The following USP53 variants were observed in gnomAD, a reference collection of about 807,000 sequenced individuals.
USP53 encodes the protein ubiquitin carboxyl-terminal hydrolase 53.
USP53 carries 71 observed loss-of-function variants against 94.9 expected under a neutral mutation model. That is an observed-to-expected ratio of 0.75 (90% CI 0.62 to 0.91). The LOEUF (loss-of-function observed/expected upper bound fraction) is 0.91. Among genes scored for constraint, USP53 ranks in the 40% least tolerant of loss-of-function variants. The pLI, the probability that USP53 is intolerant of heterozygous loss-of-function variation, is 0.00. For synonymous variants in USP53, 375 were observed against 422.7 expected, an observed-to-expected ratio of 0.89 and a Z score of 1.39; for missense variants, 1,173 against 1,281.0, an observed-to-expected ratio of 0.92 and a Z score of 1.29.
In USP53 at chr4:119,294,150, A is replaced by G. The variant is rs1356246307; in HGVS notation, c.*939A>G. 2 of 152,076 alleles carry G rather than the reference A, an allele frequency of 1.3e-5. No homozygotes were observed. Among genetic ancestry groups the G allele is most frequent in the Admixed American group, 6.6e-5 (1 of 15,260 alleles). 9.4% of individuals were successfully genotyped at this position (152,076 alleles called of 1,614,324 possible). On this transcript the variant is annotated 3_prime_UTR_variant, in exon 19 of 19. Coordinates refer to ENST00000692078, the MANE Select transcript of USP53 (RefSeq NM_001371395.1). The stretch of plus-strand genomic sequence containing the variant: ...TGGGCTGCTAACCACCAGTGTTAGG[A>G]ATTAATGTAGGGCACCCTCTTATTG...
At position 119,239,627 on chromosome 4, in the gene USP53, A is replaced by G; in HGVS notation, c.-133A>G. The G allele has an allele frequency of 9.5e-7, 1 of 1,048,750 alleles. No homozygotes were observed. The highest frequency in any genetic ancestry group is 1.3e-6 in the Non-Finnish European group (1 of 752,908). 65.0% of individuals were successfully genotyped at this position (1,048,750 alleles called of 1,614,324 possible). A position where few individuals can be genotyped will look rare whatever the true frequency, so the allele number is the denominator to read the frequency against. On this transcript the variant is annotated 5_prime_UTR_variant, in exon 5 of 19. Transcript: ENST00000692078. ...GTTTATAACATCAGGAAAGATATGG[A>G]CTTGGAAACTTACATTATTAAAATA...
chr4:119,216,235 G>A (rs1743726505), intron 2 of USP53, among the ~76,000 whole-genome samples: 1 of 152,038 alleles, frequency 6.6e-6, no homozygotes, highest in Admixed American at 6.5e-5. Flanking sequence ...ACAAAAATTA[G>A]CCAGGCGTGG....
chr4:119,254,768 G>A (rs904394048), intron 7 of USP53, among the ~76,000 whole-genome samples: 6 of 152,136 alleles, frequency 3.9e-5, no homozygotes, highest in Non-Finnish European at 7.3e-5. Context: ...TACCTTGCAG[G>A]TGAGGGGTTG....
At chr4:119,289,163 C>T (rs1754457216) in intron 17 of USP53, among the ~76,000 whole-genome samples, 2 of 152,134 alleles carry the variant, frequency 1.3e-5, no homozygotes, top group South Asian at 2.1e-4. Context: ...GTGCTTTATG[C>T]ATATTTCCCA....
At chr4:119,247,942 T>G (rs1416100749) in intron 6 of USP53, among the ~76,000 whole-genome samples, 1 of 152,166 alleles carries the variant, frequency 6.6e-6, no homozygotes, top group Non-Finnish European at 1.5e-5. Context: ...GAAACAGATT[T>G]GTGAAATGTT....
At chr4:119,268,079 A>G (rs1049702623) in intron 13 of USP53, among the ~76,000 whole-genome samples, 189 bp from the exon 14 acceptor site, 2 of 150,310 alleles carry the variant, frequency 1.3e-5, no homozygotes, top group South Asian at 2.1e-4. Flanking sequence ...AGGCAGCAGA[A>G]TGGCGTGAAC....
intron 7 of USP53, among the ~76,000 whole-genome samples, chr4:119,254,416 T>C (rs1227050019): frequency 3.9e-5 from 6 of 152,208 alleles, no homozygotes. Flanking sequence ...GCTTCGTTAG[T>C]TTCTTTTCAG....
intron 17 of USP53, among the ~76,000 whole-genome samples, chr4:119,281,473 T>C (rs1000323168): frequency 1.3e-5 from 2 of 152,196 alleles, no homozygotes; most frequent in Non-Finnish European, 2.9e-5. Flanking sequence ...TTTCATCAAA[T>C]GGTATACTAT....
chr4:119,286,380 T>C (rs1036067118), intron 17 of USP53, among the ~76,000 whole-genome samples: 1 of 151,874 alleles, frequency 6.6e-6, no homozygotes, highest in Non-Finnish European at 1.5e-5. Flanking sequence ...TTTTTTTCTG[T>C]GTCAAAGCGT....
chr4:119,241,060 T>C (rs1249804988), intron 5 of USP53, among the ~76,000 whole-genome samples: 1 of 152,170 alleles, frequency 6.6e-6, no homozygotes, highest in African/African-American at 2.4e-5. Flanking sequence ...TATTTTTCTG[T>C]TTACCCTTTT....
chr4:119,268,111 G>A (rs1048546652), intron 13 of USP53, among the ~76,000 whole-genome samples, 157 bp from the exon 14 acceptor site: 102 of 149,214 alleles, frequency 6.8e-4, no homozygotes, highest in Non-Finnish European at 1.2e-3. Context: ...AGCTTGCAGT[G>A]AGCCGAGATT....
Position 119,292,597 on chromosome 4 carries a change from G to T in USP53, c.2608G>T (p.Val870Phe). The T allele has an allele frequency of 6.2e-7, 1 of 1,614,098 alleles. No homozygotes were observed. Among genetic ancestry groups the T allele is most frequent in the Non-Finnish European group, 8.5e-7 (1 of 1,179,968 alleles). ...ATTATGGTCTTCACACCTAAGAACT[G>T]TTGGGTTAAAGCCAGAAACTGCTCC... Reference protein sequence around the residue: ...SSLWSSHLRTVGLKPETAPLI... With the variant: ...SSLWSSHLRTFGLKPETAPLI... Residue 870 changes from valine to phenylalanine, a missense_variant, in exon 19 of 19, where the codon GTT becomes TTT. By Grantham distance (50) the Val-to-Phe change is conservative. Coordinates refer to ENST00000692078, the MANE Select transcript of USP53 (RefSeq NM_001371395.1).
Position 119,268,309 on chromosome 4 carries a change from G to T in USP53, c.1177G>T (p.Glu393Ter). ...PVIHKSDNLK[E>*]NGFGDQAKQR... is the part of the protein sequence containing the mutation. The stretch of plus-strand genomic sequence containing the variant: ...AATTCATAAGTCAGATAATTTAAAA[G>T]AAAATGGATTTGGTGATCAGGCAAA... Residue 393 changes from glutamate (E) to a stop codon, truncating the protein, a stop_gained, in exon 14 of 19, where the codon GAA becomes TAA. Coordinates refer to ENST00000692078, the MANE Select transcript of USP53 (RefSeq NM_001371395.1). LOFTEE classifies it high-confidence loss of function. The T allele has an allele frequency of 6.2e-7, 1 of 1,612,788 alleles. No homozygotes were observed. Among genetic ancestry groups the T allele is most frequent in the South Asian group, 1.1e-5 (1 of 91,000 alleles).
chr4:119,248,707 A>G (rs1748571498), intron 6 of USP53, 41 bp from the exon 7 acceptor site: 1 of 1,590,068 alleles, frequency 6.3e-7, no homozygotes. Context: ...AATGTCGTTA[A>G]AGCTGGCATT....
Position 119,291,190 on chromosome 4 carries a change from G to A in USP53, c.2277G>A (p.Leu759=). The change falls in exon 18 of 19, where the codon TTG becomes TTA. Residue 759 remains leucine, a synonymous_variant. Coordinates refer to ENST00000692078, the MANE Select transcript of USP53 (RefSeq NM_001371395.1). ...LEGFRKELRN[L]EAGYKSHEFH... The stretch of plus-strand genomic sequence containing the variant: ...GCTTTAGAAAAGAACTCAGGAATTT[G>A]GAAGCAGGCTATAAATCTCATGAAT... 4 of 906,048 alleles carry A rather than the reference G, an allele frequency of 4.4e-6. No homozygotes were observed. Among genetic ancestry groups the A allele is most frequent in the Non-Finnish European group, 3.0e-6 (2 of 658,230 alleles). 56.1% of individuals were successfully genotyped at this position (906,048 alleles called of 1,614,324 possible).
In USP53 at chr4:119,260,656, A is replaced by G; in HGVS notation, c.822+3A>G. The G allele has an allele frequency of 6.2e-7, 1 of 1,611,506 alleles. No homozygotes were observed. Among genetic ancestry groups the G allele is most frequent in the Non-Finnish European group, 8.5e-7 (1 of 1,178,926 alleles). ...CAACACATCTTTATCTTCCTGGGGT[A>G]TCTTATCTATTTTCATTCCCTTCCC... On this transcript the variant is annotated splice_donor_region_variant and intron_variant, in intron 11 of 18. Transcript: ENST00000692078.
intron 9 of USP53, among the ~76,000 whole-genome samples, chr4:119,257,864 G>A (rs1463104510): frequency 6.6e-6 from 1 of 152,108 alleles, no homozygotes; most frequent in African/African-American, 2.4e-5. Context: ...TAGACAATAA[G>A]TTAAAAACTA....
At chr4:119,285,337 GGT>G in intron 17 of USP53, among the ~76,000 whole-genome samples, 2 of 151,896 alleles carry the variant, frequency 1.3e-5, no homozygotes, top group Middle Eastern at 3.4e-3. Flanking sequence ...GTACATAGTA[GGT>G]TAGGATATTT....
intron 16 of USP53, chr4:119,273,217 A>C (rs1752092935): frequency 6.6e-6 from 1 of 152,368 alleles, no homozygotes; most frequent in Admixed American, 6.5e-5. Flanking sequence ...TGGGAGGCTG[A>C]GGTGGGAGGA....
Sources: allele counts gnomAD v4.1 joint callset (sites outside exome capture counted in the v4.1 genomes callset), GRCh38; gene constraint gnomAD v4.1.1; transcripts MANE v1.5; gene names NCBI Gene and HGNC (gene_info 2026-07-23, HGNC 2026-07-21).